Variants in MACF1 observed in about 807,000 individuals in gnomAD.
The protein encoded by MACF1 is microtubule-actin cross-linking factor 1.
In MACF1, 193 loss-of-function variants were observed where a neutral mutation model predicts 854.8. That is an observed-to-expected ratio of 0.23 (90% confidence interval 0.20 to 0.25). MACF1 has a LOEUF of 0.25. MACF1 is among the 10% of genes least tolerant of loss of function. The probability of loss-of-function intolerance (pLI) is 1.00; values close to 1 mark genes in which losing one functional copy is unlikely to be tolerated. For missense variants in MACF1, 7,722 were observed against 8,929.1 expected (o/e 0.86, Z 5.45); for synonymous variants, 3,185 against 3,226.7 (o/e 0.99, Z 0.44).
chr1:39,235,708 T>C (rs1052446315), intron 2 of MACF1, among the ~76,000 whole-genome samples: 2 of 152,230 alleles, frequency 1.3e-5, no homozygotes, highest in Non-Finnish European at 2.9e-5. Flanking sequence ...GTAGTAATAG[T>C]ATCTTGAAGA....
chr1:39,234,678 T>G (rs1644834974), intron 2 of MACF1, among the ~76,000 whole-genome samples: 1 of 114,686 alleles, frequency 8.7e-6, no homozygotes, highest in African/African-American at 3.3e-5. Flanking sequence ...ACGGGGTGGC[T>G]GTCGGGCGGA....
chr1:39,422,640 G>A lies in MACF1; in HGVS notation c.15979-90G>A, dbSNP rs548638211. The A allele has an allele frequency of 1.9e-5, 30 of 1,539,688 alleles. No individual in the cohort carries two copies. In the African/African-American group the frequency reaches 3.7e-4, roughly 19 times the overall value. On this transcript the variant is annotated intron_variant, in intron 59 of 100. Transcript: ENST00000564288. ...CCTGAATGGAAATAAAAATTTAGCAGTTGCAATCTATAATTACTAAAAGAG... is the reference window on the plus strand; with the variant it reads ...CCTGAATGGAAATAAAAATTTAGCAATTGCAATCTATAATTACTAAAAGAG...
Position 39,388,236 on chromosome 1 carries a change from T to C in MACF1, c.15394T>C (p.Phe5132Leu). 1 of 1,614,170 alleles carries C rather than the reference T, an allele frequency of 6.2e-7. No individual in the cohort carries two copies. Among genetic ancestry groups the C allele is most frequent in the Non-Finnish European group, 8.5e-7 (1 of 1,180,002 alleles). Residue 5132 changes from phenylalanine to leucine, a missense_variant, in exon 58 of 101, where the codon TTC (phenylalanine) becomes CTC (leucine). Phe to Leu is a conservative substitution (Grantham distance 22, BLOSUM62 0). This residue lies in a region of MACF1 where 2,807 missense variants were observed against 3,235.8 expected (regional missense o/e 0.87). Transcript: ENST00000564288. ...GQFHCRVREMFSQLADLDDEL... is the reference protein window; with the variant it reads ...GQFHCRVREMLSQLADLDDEL... ...GTTTCACTGCCGGGTCCGAGAGATG[T>C]TCTCTCAATTGGCAGACCTGGATGA...
intron 2 of MACF1, among the ~76,000 whole-genome samples, chr1:39,183,733 C>G (rs1173418820): frequency 6.6e-6 from 1 of 151,934 alleles, no homozygotes; most frequent in African/African-American, 2.4e-5. Flanking sequence ...AGCCCCATAC[C>G]CAGCTCCACC....
At chr1:39,220,685 A>G (rs1344053258) in intron 1 of MACF1, among the ~76,000 whole-genome samples, 2 of 150,474 alleles carry the variant, frequency 1.3e-5, no homozygotes, top group East Asian at 3.9e-4. Context: ...GAGGTTCCCC[A>G]TATTGGCCAG....
At chr1:39,225,146 T>C (rs1053515600) in intron 1 of MACF1, among the ~76,000 whole-genome samples, 7 of 152,118 alleles carry the variant, frequency 4.6e-5, no homozygotes, top group African/African-American at 1.7e-4. Context: ...ATCATGCTGC[T>C]GCATTCCAGC....
chr1:39,130,753 C>G (rs542672218), intron 2 of MACF1, among the ~76,000 whole-genome samples: 1 of 152,132 alleles, frequency 6.6e-6, no homozygotes, highest in African/African-American at 2.4e-5. Context: ...AAAAGGGTTC[C>G]TTTTGCTGGG....
chr1:39,332,081 T>C lies in MACF1; in HGVS notation c.5493T>C (p.Asp1831=), dbSNP rs1032486952. 2.5e-6 allele frequency: 4 copies of C among 1,614,018 alleles called. No homozygotes were observed. Among genetic ancestry groups the C allele is most frequent in the Non-Finnish European group, 3.4e-6 (4 of 1,179,974 alleles). Reference sequence around the variant, plus strand: ...CAATAGATGAAGCAGTGAGCAATGATCTAGTAGCTGCTAAGATCGCCCTTG... The same window carrying C: ...CAATAGATGAAGCAGTGAGCAATGACCTAGTAGCTGCTAAGATCGCCCTTG... ...RLTIDEAVSN[D]LVAAKIALVI... is the part of the protein sequence containing the mutation. The change falls in exon 37 of 101, where the codon GAT becomes GAC. Residue 1831 remains aspartate (D), a synonymous_variant. Coordinates refer to ENST00000564288, the MANE Select transcript of MACF1 (RefSeq NM_001394062.1).
intron 35 of MACF1, among the ~76,000 whole-genome samples, chr1:39,325,264 C>T (rs1007175412): frequency 6.6e-6 from 1 of 152,148 alleles, no homozygotes; most frequent in Non-Finnish European, 1.5e-5. Context: ...TAACTCAGAA[C>T]CCAAGAAAGA....
rs753653462 is a variant in MACF1, at chr1:39,452,842, A to G, written c.20742+30A>G. On this transcript the variant is annotated intron_variant, in intron 87 of 100. Coordinates refer to ENST00000564288, the MANE Select transcript of MACF1 (RefSeq NM_001394062.1). ...TCCAGCCTTGGGGTTTGGTGACCTC[A>G]TGCTACCTACCACCTTGAGGGCTGC... is the stretch of plus-strand genomic sequence containing the variant. 5 of 1,609,572 alleles carry G rather than the reference A, an allele frequency of 3.1e-6. No homozygotes were observed. The African/African-American group carries it at 5.3e-5, about 17-fold the overall frequency.
At chr1:39,433,730 A>T (rs1341679482) in intron 68 of MACF1, among the ~76,000 whole-genome samples, 1 of 152,172 alleles carries the variant, frequency 6.6e-6, no homozygotes, top group Non-Finnish European at 1.5e-5. Flanking sequence ...GCAAAACTTG[A>T]TAGGCAAAGA....
At position 39,254,473 on chromosome 1, in the gene MACF1, AT is replaced by A. The variant is rs1476669644; in HGVS notation, c.435+99del. 3 of 1,040,612 alleles carry A rather than the reference AT, an allele frequency of 2.9e-6. No homozygotes were observed. The African/African-American group carries it at 4.7e-5, about 16-fold the overall frequency. 64.5% of individuals were successfully genotyped at this position (1,040,612 alleles called of 1,614,324 possible). On this transcript the variant is annotated intron_variant, in intron 5 of 100. Coordinates refer to ENST00000564288, the MANE Select transcript of MACF1 (RefSeq NM_001394062.1). ...AGTGCCCCTAGTAAGCTCTCAGTAA[AT>A]GCTAAATCTGATTGACCCAGTTCTG...
intron 79 of MACF1, 100 bp from the exon 80 acceptor site, chr1:39,444,562 G>A: frequency 1.0e-6 from 1 of 987,714 alleles, no homozygotes; most frequent in Non-Finnish European, 1.5e-6. Flanking sequence ...TAATCAAGAT[G>A]AGCCCTTCCT....
At position 39,388,225 on chromosome 1, in the gene MACF1, T is replaced by C; in HGVS notation, c.15383T>C (p.Val5128Ala). 1.2e-6 allele frequency: 2 copies of C among 1,614,142 alleles called. No individual in the cohort carries two copies. The highest frequency in any genetic ancestry group is 2.7e-5 in the African/African-American group (2 of 75,030). The change falls in exon 58 of 101, where the codon GTC (valine) becomes GCC (alanine). Residue 5128 changes from valine (V) to alanine (A), a missense_variant. Physicochemically the swap from Val to Ala is moderately conservative, Grantham distance 64 (BLOSUM62 0). Coordinates refer to ENST00000564288, the MANE Select transcript of MACF1 (RefSeq NM_001394062.1). ...GGGATTGGCCAGTTTCACTGCCGGGTCCGAGAGATGTTCTCTCAATTGGCA... is the reference window on the plus strand; with the variant it reads ...GGGATTGGCCAGTTTCACTGCCGGGCCCGAGAGATGTTCTCTCAATTGGCA... ...LEGIGQFHCRVREMFSQLADL... is the reference protein window; with the variant it reads ...LEGIGQFHCRAREMFSQLADL...
intron 2 of MACF1, among the ~76,000 whole-genome samples, chr1:39,195,742 A>G (rs1352938445): frequency 6.6e-6 from 1 of 152,194 alleles, no homozygotes; most frequent in African/African-American, 2.4e-5. Flanking sequence ...TTTGGATTTA[A>G]TTTGCTGATA....
rs979515827 is a variant in MACF1 at position 39,387,525 on chromosome 1, C to A, written c.14683C>A (p.Gln4895Lys). 3 of 1,614,158 alleles carry A rather than the reference C, an allele frequency of 1.9e-6. No homozygotes were observed. Among genetic ancestry groups the A allele is most frequent in the Non-Finnish European group, 1.7e-6 (2 of 1,180,036 alleles). Reference protein sequence around the residue: ...EELSKKTADRQSRLKDCMQKA... With the variant: ...EELSKKTADRKSRLKDCMQKA... ...GCTTAGTAAAAAAACTGCAGACAGA[C>A]AATCCAGGCTCAAGGATTGTATGCA... is the stretch of plus-strand genomic sequence containing the variant. The change falls in exon 58 of 101, where the codon CAA becomes AAA. Residue 4895 changes from glutamine to lysine, a missense_variant. This residue lies in a region of MACF1 where 2,807 missense variants were observed against 3,235.8 expected (regional missense o/e 0.87). Transcript: ENST00000564288.
intron 56 of MACF1, among the ~76,000 whole-genome samples, chr1:39,384,261 G>A (rs1318566584): frequency 1.3e-5 from 2 of 152,046 alleles, no homozygotes; most frequent in Non-Finnish European, 2.9e-5. Context: ...GTTCTGTGTT[G>A]CGTGTTCACA....
At chr1:39,322,450 C>T (rs995060054) in intron 31 of MACF1, among the ~76,000 whole-genome samples, 158 bp from the exon 32 acceptor site, 2 of 152,172 alleles carry the variant, frequency 1.3e-5, no homozygotes, top group Non-Finnish European at 1.5e-5. Flanking sequence ...ATAGTATGGC[C>T]TGATATTTTC....
intron 58 of MACF1, among the ~76,000 whole-genome samples, chr1:39,417,712 AATTTTTTTTTTTTTTT>A: frequency 1.5e-5 from 1 of 68,516 alleles, no homozygotes; most frequent in East Asian, 4.5e-4. Context: ...ACACCCAGTT[AATTTTTTTTTTTTTTT>A]TTTTTTTTTT....
Sources: allele counts gnomAD v4.1 joint callset (sites outside exome capture counted in the v4.1 genomes callset), GRCh38; gene constraint gnomAD v4.1.1; regional missense constraint gnomAD v4.1.1; transcripts MANE v1.5; gene names NCBI Gene and HGNC (gene_info 2026-07-23, HGNC 2026-07-21).